The following SUGCT variants were observed in gnomAD, a reference collection of about 807,000 sequenced individuals.
SUGCT encodes the protein succinyl-CoA:glutarate-CoA transferase.
SUGCT carries 41 observed loss-of-function variants against 55.0 expected under a neutral mutation model. The observed-to-expected ratio is 0.74, with a 90% confidence interval of 0.58 to 0.97. The LOEUF (loss-of-function observed/expected upper bound fraction) is 0.97. SUGCT is among the 50% of genes least tolerant of loss of function. The pLI, the probability that SUGCT is intolerant of heterozygous loss-of-function variation, is 0.00. For missense variants in SUGCT, 568 were observed against 547.8 expected (o/e 1.04, Z -0.37); for synonymous variants, 187 against 200.4 (o/e 0.93, Z 0.56).
intron 9 of SUGCT, among the ~76,000 whole-genome samples, chr7:40,320,407 T>C (rs1795664480): frequency 6.6e-6 from 1 of 152,140 alleles, no homozygotes; most frequent in African/African-American, 2.4e-5. Context: ...ATATTTTTAA[T>C]GCATAGATAT....
At chr7:40,351,096 A>T (rs1427355454) in intron 9 of SUGCT, among the ~76,000 whole-genome samples, 1 of 152,068 alleles carries the variant, frequency 6.6e-6, no homozygotes, top group Non-Finnish European at 1.5e-5. Flanking sequence ...TTTCTTAAAT[A>T]TTTATATATA....
chr7:40,670,528 A>G (rs902846583), intron 12 of SUGCT, among the ~76,000 whole-genome samples: 14 of 152,180 alleles, frequency 9.2e-5, no homozygotes. Flanking sequence ...GAACAACTAT[A>G]CACACATAAA....
At chr7:40,272,191 T>C (rs184012617) in intron 7 of SUGCT, among the ~76,000 whole-genome samples, 4,771 of 71,828 alleles carry the variant, frequency 0.066, 311 homozygotes, top group African/African-American at 0.077. Flanking sequence ...TATATATATA[T>C]ATACAGGGTC....
intron 6 of SUGCT, among the ~76,000 whole-genome samples, chr7:40,232,419 G>T (rs1331773287): frequency 6.6e-6 from 1 of 152,088 alleles, no homozygotes; most frequent in Non-Finnish European, 1.5e-5. Context: ...GGTTCTAAGA[G>T]TATGAGCATG....
At chr7:40,275,925 G>T (rs1435858499) in intron 8 of SUGCT, among the ~76,000 whole-genome samples, 3 of 152,108 alleles carry the variant, frequency 2.0e-5, no homozygotes, top group South Asian at 2.1e-4. Flanking sequence ...GATAGAAAAA[G>T]AAAATATCTG....
chr7:40,393,893 CAAAG>C (rs1785578381), intron 9 of SUGCT, among the ~76,000 whole-genome samples: 1 of 152,036 alleles, frequency 6.6e-6, no homozygotes. Flanking sequence ...TGGTGAGACA[CAAAG>C]AGAGTAGTAA....
At chr7:40,244,668 C>T (rs1043013929) in intron 7 of SUGCT, among the ~76,000 whole-genome samples, 5 of 152,220 alleles carry the variant, frequency 3.3e-5, no homozygotes, top group Non-Finnish European at 7.3e-5. Flanking sequence ...CACAAAATTA[C>T]ACAAGGAGAA....
the SUGCT span, among the ~76,000 whole-genome samples, chr7:40,970,237 T>G: frequency 6.6e-5 from 10 of 152,202 alleles, no homozygotes; most frequent in Non-Finnish European, 8.8e-5. Flanking sequence ...AATGACGCGA[T>G]GTCAACTCAC....
At chr7:40,618,951 A>T (rs1451854734) in intron 12 of SUGCT, among the ~76,000 whole-genome samples, 1 of 152,224 alleles carries the variant, frequency 6.6e-6, no homozygotes, top group African/African-American at 2.4e-5. Flanking sequence ...TTGAACAAAG[A>T]TGGACACTCT....
chr7:40,485,069 G>A (rs1791254177), intron 11 of SUGCT, among the ~76,000 whole-genome samples: 1 of 152,132 alleles, frequency 6.6e-6, no homozygotes, highest in Admixed American at 6.5e-5. Context: ...ATGTGTACTA[G>A]TAGCTTAGCA....
chr7:40,503,027 T>C (rs1792375623), intron 12 of SUGCT, among the ~76,000 whole-genome samples: 1 of 152,162 alleles, frequency 6.6e-6, no homozygotes, highest in African/African-American at 2.4e-5. Context: ...ATGATTTCTA[T>C]AGTAACAAAA....
At chr7:40,746,334 C>T (rs1787729945) in intron 12 of SUGCT, among the ~76,000 whole-genome samples, 3 of 152,138 alleles carry the variant, frequency 2.0e-5, no homozygotes, top group Admixed American at 2.0e-4. Flanking sequence ...CTCCATTGTT[C>T]TGTGGGATAT....
intron 9 of SUGCT, among the ~76,000 whole-genome samples, chr7:40,342,278 A>G (rs1468877461): frequency 6.6e-6 from 1 of 152,220 alleles, no homozygotes; most frequent in Non-Finnish European, 1.5e-5. Flanking sequence ...ACGAAAGGGG[A>G]CTTGAGAGAT....
At chr7:40,690,077 G>A (rs539683298) in intron 12 of SUGCT, among the ~76,000 whole-genome samples, 1 of 152,228 alleles carries the variant, frequency 6.6e-6, no homozygotes, top group East Asian at 1.9e-4. Context: ...AAATGGATTT[G>A]TTCTCTTTGC....
At position 40,357,077 on chromosome 7, in the gene SUGCT, T is replaced by C. The variant is rs576396114; in HGVS notation, c.816+40222T>C. Among the ~76,000 whole-genome samples, 6 of 152,378 alleles carry C rather than the reference T, an allele frequency of 3.9e-5. No individual in the cohort carries two copies. In the South Asian group the frequency reaches 1.2e-3, roughly 32 times the overall value. On this transcript the variant is annotated intron_variant, in intron 9 of 13. Coordinates refer to ENST00000335693, the MANE Select transcript of SUGCT (RefSeq NM_001193313.2). ...CTCATCACTGGTAAATGGTTTTCTT[T>C]GCTTGGCTCAAAAACGAACCACTCA...
At chr7:40,769,637 C>G (rs759891420) in intron 13 of SUGCT, among the ~76,000 whole-genome samples, 3 of 152,122 alleles carry the variant, frequency 2.0e-5, no homozygotes, top group Admixed American at 6.5e-5. Context: ...GGATTGTGCC[C>G]TAGATCTTCC....
chr7:41,018,623 A>AT, the SUGCT span, among the ~76,000 whole-genome samples: 1 of 152,156 alleles, frequency 6.6e-6, no homozygotes, highest in Admixed American at 6.5e-5. Flanking sequence ...CCTAAGAATG[A>AT]TTTAAAAAAA....
chr7:40,218,030 A>G (rs530587457), intron 6 of SUGCT, among the ~76,000 whole-genome samples: 1 of 152,244 alleles, frequency 6.6e-6, no homozygotes, highest in South Asian at 2.1e-4. Flanking sequence ...CCTGGCTAAC[A>G]TGGTGAAACC....
chr7:40,343,909 G>T (rs1797182365), intron 9 of SUGCT, among the ~76,000 whole-genome samples: 1 of 152,158 alleles, frequency 6.6e-6, no homozygotes, highest in East Asian at 1.9e-4. Context: ...GCCCGCCTCG[G>T]CCTCCCAAAG....
Sources: allele counts gnomAD v4.1 joint callset (sites outside exome capture counted in the v4.1 genomes callset), GRCh38; gene constraint gnomAD v4.1.1; transcripts MANE v1.5; gene names NCBI Gene and HGNC (gene_info 2026-07-23, HGNC 2026-07-21).